LRRC4C: variants seen among roughly 807,000 people sequenced by gnomAD.
LRRC4C encodes the protein leucine rich repeat containing 4C, also known as leucine-rich repeat-containing protein 4C.
Under a neutral mutation model 33.6 loss-of-function variants are expected in LRRC4C, and 5 were observed. The observed-to-expected ratio is 0.15, with a 90% CI of 0.08 to 0.31. The LOEUF is 0.31. Ranked by LOEUF, LRRC4C falls within the 10% of genes least tolerant of loss-of-function variation. The pLI is 1.00. For missense variants in LRRC4C, 560 were observed against 796.7 expected, an observed-to-expected ratio of 0.70 and a Z score of 3.58; for synonymous variants, 329 against 302.0, an observed-to-expected ratio of 1.09 and a Z score of -0.93.
At chr11:40,185,070 A>G (rs1171218023) in intron 5 of LRRC4C, among the ~76,000 whole-genome samples, 1 of 152,226 alleles carries the variant, frequency 6.6e-6, no homozygotes, top group Non-Finnish European at 1.5e-5. Context: ...ACCTTGGTTG[A>G]CAGCCAGCTG....
chr11:41,081,284 A>G (rs1224016109), intron 1 of LRRC4C, among the ~76,000 whole-genome samples: 1 of 152,204 alleles, frequency 6.6e-6, no homozygotes, highest in East Asian at 1.9e-4. Flanking sequence ...AAACTGCATG[A>G]TTTTGTTGGA....
chr11:40,774,106 A>C (rs555388828), intron 2 of LRRC4C, among the ~76,000 whole-genome samples: 1 of 152,206 alleles, frequency 6.6e-6, no homozygotes, highest in East Asian at 1.9e-4. Flanking sequence ...GAATCACAGA[A>C]TATATAGCTT....
chr11:40,917,394 CTGCA>C (rs1457358353), intron 2 of LRRC4C, among the ~76,000 whole-genome samples: 1 of 152,132 alleles, frequency 6.6e-6, no homozygotes, highest in Non-Finnish European at 1.5e-5. Flanking sequence ...CCTTCAGCTT[CTGCA>C]TATACCAAAA....
chr11:41,199,416 T>C (rs1946315593), intron 1 of LRRC4C, among the ~76,000 whole-genome samples: 1 of 152,106 alleles, frequency 6.6e-6, no homozygotes, highest in Non-Finnish European at 1.5e-5. Flanking sequence ...CAGTTTTCTG[T>C]AATATGATTC....
At chr11:40,779,222 T>C (rs1179177505) in intron 2 of LRRC4C, among the ~76,000 whole-genome samples, 1 of 152,088 alleles carries the variant, frequency 6.6e-6, no homozygotes, top group African/African-American at 2.4e-5. Context: ...GACTCAAAGA[T>C]GATTCAAGTT....
At chr11:40,714,056 G>A (rs556455749) in intron 2 of LRRC4C, among the ~76,000 whole-genome samples, 4 of 152,208 alleles carry the variant, frequency 2.6e-5, no homozygotes, top group South Asian at 2.1e-4. Flanking sequence ...TGACAGCCAC[G>A]TAGCCCTTTG....
At chr11:40,461,590 A>T (rs1365681441) in intron 3 of LRRC4C, among the ~76,000 whole-genome samples, 1 of 151,550 alleles carries the variant, frequency 6.6e-6, no homozygotes, top group Non-Finnish European at 1.5e-5. Flanking sequence ...TTGATAACTC[A>T]ATGAAATAAC....
chr11:40,865,229 A>G (rs150377699), intron 2 of LRRC4C, among the ~76,000 whole-genome samples: 1 of 152,180 alleles, frequency 6.6e-6, no homozygotes, highest in Non-Finnish European at 1.5e-5. Flanking sequence ...AAACTAAAAA[A>G]GTTCATCTCA....
chr11:40,522,910 G>A (rs1699557245), intron 3 of LRRC4C, among the ~76,000 whole-genome samples: 1 of 152,080 alleles, frequency 6.6e-6, no homozygotes, highest in South Asian at 2.1e-4. Flanking sequence ...TAATATTCCA[G>A]TGTATGTATG....
At chr11:41,233,393 G>A (rs556284149) in intron 1 of LRRC4C, among the ~76,000 whole-genome samples, 2 of 151,880 alleles carry the variant, frequency 1.3e-5, no homozygotes, top group Non-Finnish European at 2.9e-5. Context: ...TTCAACAGTA[G>A]CTGAATAGTT....
intron 5 of LRRC4C, among the ~76,000 whole-genome samples, chr11:40,200,497 T>G (rs1565125146): frequency 6.6e-6 from 1 of 151,962 alleles, no homozygotes; most frequent in Admixed American, 6.5e-5. Flanking sequence ...CCTTTCTGTG[T>G]GAAGGTTATT....
chr11:41,013,257 C>G (rs762132017), intron 1 of LRRC4C, among the ~76,000 whole-genome samples: 1 of 152,188 alleles, frequency 6.6e-6, no homozygotes, highest in Non-Finnish European at 1.5e-5. Context: ...TCTAGTTACT[C>G]ATTGTATCCA....
chr11:41,076,445 A>C (rs1171698179), intron 1 of LRRC4C, among the ~76,000 whole-genome samples: 1 of 152,196 alleles, frequency 6.6e-6, no homozygotes, highest in African/African-American at 2.4e-5. Context: ...TCAGGAAAGG[A>C]GAAGCAAGCA....
At chr11:40,190,091 G>A (rs1022714324) in intron 5 of LRRC4C, among the ~76,000 whole-genome samples, 1 of 152,096 alleles carries the variant, frequency 6.6e-6, no homozygotes, top group African/African-American at 2.4e-5. Context: ...GTGAAAAAAA[G>A]CTGCAGTTTT....
chr11:40,469,346 G>A (rs1472002881), intron 3 of LRRC4C, among the ~76,000 whole-genome samples: 1 of 152,122 alleles, frequency 6.6e-6, no homozygotes, highest in African/African-American at 2.4e-5. Flanking sequence ...GGTGATATCC[G>A]GCCCATATAC....
chr11:41,285,251 A>G (rs1949788928), intron 1 of LRRC4C, among the ~76,000 whole-genome samples: 1 of 152,126 alleles, frequency 6.6e-6, no homozygotes, highest in African/African-American at 2.4e-5. Context: ...ATTATCCATC[A>G]TCCATCCATT....
intron 3 of LRRC4C, among the ~76,000 whole-genome samples, chr11:40,589,114 G>A (rs961009442): frequency 1.3e-5 from 2 of 152,104 alleles, no homozygotes; most frequent in Non-Finnish European, 2.9e-5. Flanking sequence ...GGGAGTCTAA[G>A]TCTCTTTGTA....
At chr11:40,819,923 A>G (rs1951861049) in intron 2 of LRRC4C, among the ~76,000 whole-genome samples, 1 of 152,092 alleles carries the variant, frequency 6.6e-6, no homozygotes, top group East Asian at 1.9e-4. Context: ...GAGCAGAAAC[A>G]TCAGCAACTA....
At chr11:41,341,394 T>A (rs1194445320) in intron 1 of LRRC4C, among the ~76,000 whole-genome samples, 1 of 152,202 alleles carries the variant, frequency 6.6e-6, no homozygotes, top group Admixed American at 6.5e-5. Flanking sequence ...TTGCATATTG[T>A]CTCAGCACCT....
Sources: gnomAD v4.1 joint callset for allele counts (sites outside exome capture counted in the v4.1 genomes callset) on GRCh38, gnomAD v4.1.1 for gene constraint, MANE v1.5 for transcripts, NCBI Gene and HGNC (gene_info 2026-07-23, HGNC 2026-07-21) for gene names.